The following ERC2 variants were observed in gnomAD, a reference collection of about 807,000 sequenced individuals.
The protein encoded by ERC2 is ERC protein 2.
Under a neutral mutation model 114.8 loss-of-function variants are expected in ERC2, and 42 were observed. The ratio of observed to expected loss-of-function variants is 0.37; its 90% CI spans 0.29 to 0.47. The LOEUF is 0.47. Ranked by LOEUF, ERC2 falls within the 20% of genes least tolerant of loss-of-function variation. The pLI is 0.99. For missense variants in ERC2, 939 were observed against 1,150.7 expected, an observed-to-expected ratio of 0.82 and a Z score of 2.66; for synonymous variants, 454 against 425.5, an observed-to-expected ratio of 1.07 and a Z score of -0.82.
At chr3:55,564,905 C>T (rs1298509299) in intron 17 of ERC2, among the ~76,000 whole-genome samples, 1 of 152,190 alleles carries the variant, frequency 6.6e-6, no homozygotes, top group Non-Finnish European at 1.5e-5. Flanking sequence ...GCTTTGCTGG[C>T]CATATGTTCT....
intron 14 of ERC2, among the ~76,000 whole-genome samples, chr3:55,753,155 G>A (rs2066823294): frequency 6.6e-6 from 1 of 152,164 alleles, no homozygotes. Context: ...TCACATGGTT[G>A]CTCCTGGATG....
intron 17 of ERC2, among the ~76,000 whole-genome samples, chr3:55,549,714 C>G (rs1173430385): frequency 6.6e-6 from 1 of 151,862 alleles, no homozygotes; most frequent in Admixed American, 6.6e-5. Context: ...GCTGGCAGTC[C>G]TCTCTGGGTG....
chr3:55,523,350 A>G (rs1034009037), intron 17 of ERC2, among the ~76,000 whole-genome samples: 3 of 152,214 alleles, frequency 2.0e-5, no homozygotes, highest in African/African-American at 7.2e-5. Flanking sequence ...ATCCATGAAC[A>G]GAGATTCCTA....
intron 7 of ERC2, among the ~76,000 whole-genome samples, chr3:56,065,637 C>A (rs1420125648): frequency 8.5e-5 from 13 of 152,090 alleles, no homozygotes. Context: ...CAATCCAACA[C>A]CTAGGTATTA....
chr3:55,754,788 A>G (rs1201732731), intron 14 of ERC2, among the ~76,000 whole-genome samples: 1 of 152,056 alleles, frequency 6.6e-6, no homozygotes, highest in African/African-American at 2.4e-5. Flanking sequence ...TATCCTAAAC[A>G]GCGCAACATG....
intron 3 of ERC2, among the ~76,000 whole-genome samples, chr3:56,277,598 C>A (rs557075828): frequency 2.0e-5 from 3 of 152,184 alleles, no homozygotes; most frequent in South Asian, 4.2e-4. Context: ...CCTGTCTATT[C>A]CCACTGTCAT....
At chr3:56,216,527 G>A (rs1273320011) in intron 3 of ERC2, among the ~76,000 whole-genome samples, 1 of 152,174 alleles carries the variant, frequency 6.6e-6, no homozygotes, top group Non-Finnish European at 1.5e-5. Context: ...AAACAGTCCA[G>A]AACCAGACAG....
chr3:55,562,185 C>T (rs1025546227), intron 17 of ERC2, among the ~76,000 whole-genome samples: 3 of 150,698 alleles, frequency 2.0e-5, no homozygotes, highest in African/African-American at 7.3e-5. Flanking sequence ...GAGTTTTGCT[C>T]TCGTTTCCCA....
chr3:56,046,801 T>G (rs1378629040), intron 7 of ERC2, among the ~76,000 whole-genome samples: 1 of 152,214 alleles, frequency 6.6e-6, no homozygotes, highest in Non-Finnish European at 1.5e-5. Flanking sequence ...GCTGGACAGA[T>G]AAGCTGAAAT....
At chr3:55,685,857 A>T (rs2062303313) in intron 16 of ERC2, among the ~76,000 whole-genome samples, 1 of 152,210 alleles carries the variant, frequency 6.6e-6, no homozygotes, top group Admixed American at 6.5e-5. Flanking sequence ...CTTGCAGAGC[A>T]GTTTATTTCA....
chr3:55,919,453 T>G (rs1334886526), intron 13 of ERC2, among the ~76,000 whole-genome samples: 1 of 152,186 alleles, frequency 6.6e-6, no homozygotes, highest in Non-Finnish European at 1.5e-5. Flanking sequence ...GCTACAGGTA[T>G]CAATTGGATA....
chr3:56,203,401 C>T (rs2048518365), intron 3 of ERC2, among the ~76,000 whole-genome samples: 1 of 152,154 alleles, frequency 6.6e-6, no homozygotes, highest in Non-Finnish European at 1.5e-5. Context: ...CTTACTCATG[C>T]TGATTAAGGC....
chr3:55,598,403 C>T (rs747466802), intron 17 of ERC2, among the ~76,000 whole-genome samples: 1 of 152,242 alleles, frequency 6.6e-6, no homozygotes, highest in Non-Finnish European at 1.5e-5. Flanking sequence ...CAAGTTTCCA[C>T]ATCCATGAAA....
chr3:56,120,736 A>G (rs2079528079), intron 6 of ERC2, among the ~76,000 whole-genome samples: 1 of 152,196 alleles, frequency 6.6e-6, no homozygotes, highest in African/African-American at 2.4e-5. Context: ...ACCATGTGCA[A>G]AAATCTTAGT....
rs112578219 is a variant in ERC2, at chr3:55,567,473, G to C, written c.*40-56197C>G. Among the ~76,000 whole-genome samples the C allele has an allele frequency of 6.6e-3, 1,006 of 152,266 alleles. 16 individuals are homozygous for C. Among genetic ancestry groups the C allele is most frequent in the African/African-American group, 0.023 (937 of 41,550 alleles). On this transcript the variant is annotated intron_variant, in intron 17 of 17. Transcript: ENST00000288221. ...CCAAATAAAATGAGATTCCACTGGA[G>C]GGTTTTTAGGGAGAGCTTGATCTGA... is the stretch of plus-strand genomic sequence containing the variant.
chr3:56,415,852 A>T (rs533059255), intron 2 of ERC2, among the ~76,000 whole-genome samples: 11 of 152,208 alleles, frequency 7.2e-5, no homozygotes. Context: ...AACAAATAGG[A>T]CAGCCAACAC....
At chr3:55,592,244 T>G (rs2057926859) in intron 17 of ERC2, among the ~76,000 whole-genome samples, 2 of 152,222 alleles carry the variant, frequency 1.3e-5, no homozygotes. Flanking sequence ...TCCCCGTATC[T>G]GGGCACAAGC....
At chr3:56,274,734 G>A (rs2053885252) in intron 3 of ERC2, among the ~76,000 whole-genome samples, 1 of 152,066 alleles carries the variant, frequency 6.6e-6, no homozygotes, top group Non-Finnish European at 1.5e-5. Flanking sequence ...TAGATTACTG[G>A]CCCACAGCCA....
At chr3:55,905,975 T>G (rs2064410296) in intron 13 of ERC2, among the ~76,000 whole-genome samples, 1 of 152,176 alleles carries the variant, frequency 6.6e-6, no homozygotes, top group Admixed American at 6.5e-5. Flanking sequence ...TGTCACAATT[T>G]TAAATGACTT....
Sources: allele counts gnomAD v4.1 joint callset (sites outside exome capture counted in the v4.1 genomes callset), GRCh38; gene constraint gnomAD v4.1.1; transcripts MANE v1.5; gene names NCBI Gene and HGNC (gene_info 2026-07-23, HGNC 2026-07-21).